The following CA10 variants were observed in gnomAD, a reference collection of about 807,000 sequenced individuals.
CA10 encodes carbonic anhydrase 10 (inactive), also known as carbonic anhydrase-related protein 10.
In CA10, 14 loss-of-function variants were observed where a neutral mutation model predicts 44.2. That is an observed-to-expected ratio of 0.32 (90% confidence interval 0.21 to 0.50). CA10 has a LOEUF of 0.50. Among genes scored for constraint, CA10 ranks in the 20% least tolerant of loss-of-function variants. The pLI, the probability that CA10 is intolerant of heterozygous loss-of-function variation, is 0.99. For synonymous variants in CA10, 159 were observed against 141.6 expected, an observed-to-expected ratio of 1.12 and a Z score of -0.87; for missense variants, 350 against 409.7, an observed-to-expected ratio of 0.85 and a Z score of 1.26.
chr17:52,021,313 T>C (rs190248448), intron 2 of CA10, among the ~76,000 whole-genome samples: 1 of 152,208 alleles, frequency 6.6e-6, no homozygotes, highest in African/African-American at 2.4e-5. Context: ...TATTTTCCTT[T>C]GGAGATATAC....
chr17:51,925,334 T>C (rs1450564301), intron 3 of CA10, among the ~76,000 whole-genome samples: 5 of 151,926 alleles, frequency 3.3e-5, no homozygotes, highest in Non-Finnish European at 5.9e-5. Flanking sequence ...TGGATGTCTG[T>C]GAAAGTCTGC....
chr17:51,855,415 T>C (rs1978997543), intron 3 of CA10, among the ~76,000 whole-genome samples: 2 of 152,176 alleles, frequency 1.3e-5, no homozygotes, highest in Non-Finnish European at 2.9e-5. Flanking sequence ...TCACACACCA[T>C]TGACTATAAG....
At chr17:52,040,790 A>G (rs1316806631) in intron 2 of CA10, among the ~76,000 whole-genome samples, 1 of 152,048 alleles carries the variant, frequency 6.6e-6, no homozygotes, top group East Asian at 2.0e-4. Flanking sequence ...ACTGAAGAGG[A>G]AGGAACTATT....
At chr17:52,007,512 A>G (rs976336749) in intron 2 of CA10, among the ~76,000 whole-genome samples, 1 of 151,534 alleles carries the variant, frequency 6.6e-6, no homozygotes, top group Non-Finnish European at 1.5e-5. Flanking sequence ...TCTTTAATCA[A>G]TGTACAGAAT....
At position 51,800,453 on chromosome 17, in the gene CA10, CATTAA is replaced by C. The variant is rs1158081775; in HGVS notation, c.280-52640_280-52636del. Among the ~76,000 whole-genome samples, 3 of 152,030 alleles carry C rather than the reference CATTAA, an allele frequency of 2.0e-5. No individual in the cohort carries two copies. The East Asian group carries it at 5.8e-4, about 29-fold the overall frequency. ...CAACTCTGTGGATGTACAAAAAAAACATTAAATTATACACCTGAAATGGAAGAATT... is the reference window on the plus strand; with the variant it reads ...CAACTCTGTGGATGTACAAAAAAAACATTATACACCTGAAATGGAAGAATT... On this transcript the variant is annotated intron_variant, in intron 3 of 8. Coordinates refer to ENST00000451037, the MANE Select transcript of CA10 (RefSeq NM_020178.5).
chr17:51,655,260 T>C (rs951461455), intron 4 of CA10, among the ~76,000 whole-genome samples: 2 of 152,186 alleles, frequency 1.3e-5, no homozygotes, highest in African/African-American at 2.4e-5. Flanking sequence ...GTTGTTTCCA[T>C]TTTTTTGTCT....
chr17:51,664,024 A>G (rs1031087187), intron 4 of CA10, among the ~76,000 whole-genome samples: 5 of 152,190 alleles, frequency 3.3e-5, no homozygotes, highest in African/African-American at 9.7e-5. Flanking sequence ...TTTCTGTGGA[A>G]GAGTTTGTCC....
chr17:51,769,700 T>A (rs1427309044), intron 3 of CA10, among the ~76,000 whole-genome samples: 1 of 152,084 alleles, frequency 6.6e-6, no homozygotes, highest in Non-Finnish European at 1.5e-5. Context: ...AAAAGTGTAT[T>A]CAATATAGCT....
chr17:51,952,166 G>A (rs569929015), intron 2 of CA10, among the ~76,000 whole-genome samples: 4 of 152,246 alleles, frequency 2.6e-5, no homozygotes, highest in African/African-American at 9.6e-5. Context: ...CTTGAATGGC[G>A]TTTGTATTTC....
At chr17:52,102,390 C>A (rs1292953603) in intron 1 of CA10, among the ~76,000 whole-genome samples, 2 of 152,292 alleles carry the variant, frequency 1.3e-5, no homozygotes, top group East Asian at 3.9e-4. Flanking sequence ...AAAATGGAGA[C>A]CAGGCATGAA....
chr17:52,060,601 CT>C (rs1987356023), intron 2 of CA10, among the ~76,000 whole-genome samples: 1 of 152,100 alleles, frequency 6.6e-6, no homozygotes, highest in Non-Finnish European at 1.5e-5. Flanking sequence ...CCTGGAAAGG[CT>C]TTCTAAAATG....
chr17:52,158,284 G>C lies in CA10; in HGVS notation c.-498C>G, dbSNP rs1029941451. On this transcript the variant is annotated 5_prime_UTR_variant, in exon 1 of 9. Coordinates refer to ENST00000451037, the MANE Select transcript of CA10 (RefSeq NM_020178.5). Reference sequence around the variant, plus strand: ...GTAGCTCGCTGGCTAAGCCCAGGCAGTCCGCGGCAAGTTGCCCTCGAAGTC... The same window carrying C: ...GTAGCTCGCTGGCTAAGCCCAGGCACTCCGCGGCAAGTTGCCCTCGAAGTC... 2 of 209,300 alleles carry C rather than the reference G, an allele frequency of 9.6e-6. No homozygotes were observed. Among genetic ancestry groups the C allele is most frequent in the Non-Finnish European group, 1.9e-5 (2 of 102,764 alleles). The allele number at this position is 209,300 out of a possible 1,614,324, so 13.0% of individuals were successfully genotyped here.
chr17:51,900,049 T>A (rs910230039), intron 3 of CA10, among the ~76,000 whole-genome samples: 2 of 152,022 alleles, frequency 1.3e-5, no homozygotes, highest in Non-Finnish European at 2.9e-5. Flanking sequence ...AATTTTGATA[T>A]GTGTAGATTT....
chr17:51,838,623 A>G (rs1229449077), intron 3 of CA10, among the ~76,000 whole-genome samples: 2 of 152,260 alleles, frequency 1.3e-5, no homozygotes, highest in African/African-American at 4.8e-5. Flanking sequence ...TTATGGAACG[A>G]CTTCATGCAT....
At chr17:51,923,895 G>A (rs1002834598) in intron 3 of CA10, among the ~76,000 whole-genome samples, 4 of 152,014 alleles carry the variant, frequency 2.6e-5, no homozygotes, top group African/African-American at 9.7e-5. Context: ...GGGTACTCTT[G>A]GTTCCATTCA....
chr17:51,652,339 A>G (rs1904798538), intron 5 of CA10, among the ~76,000 whole-genome samples: 1 of 152,366 alleles, frequency 6.6e-6, no homozygotes, highest in Admixed American at 6.5e-5. Flanking sequence ...ACTGTTTATT[A>G]TTCCAGGGTT....
chr17:51,936,051 T>C (rs977505988), intron 2 of CA10, among the ~76,000 whole-genome samples: 1 of 152,174 alleles, frequency 6.6e-6, no homozygotes, highest in Admixed American at 6.5e-5. Context: ...AATAAGTTTA[T>C]ACAGCTTATG....
intron 2 of CA10, among the ~76,000 whole-genome samples, chr17:51,989,238 G>T (rs1034825418): frequency 1.1e-4 from 16 of 148,940 alleles, no homozygotes; most frequent in African/African-American, 4.0e-4. Context: ...ATGGCGGTTT[G>T]TTCTACAGAT....
intron 2 of CA10, among the ~76,000 whole-genome samples, chr17:51,957,601 C>A (rs1431344825): frequency 6.6e-6 from 1 of 152,090 alleles, no homozygotes; most frequent in African/African-American, 2.4e-5. Context: ...CCTGCAATAG[C>A]ACATCTACTT....
Sources: gnomAD v4.1 joint callset for allele counts (sites outside exome capture counted in the v4.1 genomes callset) on GRCh38, gnomAD v4.1.1 for gene constraint, MANE v1.5 for transcripts, NCBI Gene and HGNC (gene_info 2026-07-23, HGNC 2026-07-21) for gene names.